The following SPDEF variants were observed in gnomAD, a reference collection of about 807,000 sequenced individuals.
SPDEF encodes SAM pointed domain-containing Ets transcription factor.
In SPDEF, 12 loss-of-function variants were observed where a neutral mutation model predicts 36.0. That is an observed-to-expected ratio of 0.33 (90% CI 0.21 to 0.54). The LOEUF (loss-of-function observed/expected upper bound fraction) is 0.54, where lower values mean the gene tolerates loss of function less well. Ranked by LOEUF, SPDEF falls within the 20% of genes least tolerant of loss-of-function variation. The probability of loss-of-function intolerance (pLI) is 0.93; values close to 1 mark genes in which losing one functional copy is unlikely to be tolerated. For synonymous variants in SPDEF, 205 were observed against 193.0 expected, an observed-to-expected ratio of 1.06 and a Z score of -0.51; for missense variants, 388 against 456.9, an observed-to-expected ratio of 0.85 and a Z score of 1.37.
In SPDEF at chr6:34,544,302, C is replaced by G; in HGVS notation, c.154G>C (p.Glu52Gln). ...AGGTAGAAGGCGGACAGGCCCTGCT[C>G]GGGCGTGGCGGGTGGACTGGGACTC... is the stretch of plus-strand genomic sequence containing the variant. ...DWSPSPPATP[E>Q]QGLSAFYLSY... Residue 52 changes from glutamate (E) to glutamine (Q), a missense_variant, in exon 2 of 6, where the codon GAG becomes CAG. Coordinates refer to ENST00000374037, the MANE Select transcript of SPDEF (RefSeq NM_012391.3). The surrounding 1 kb of genome is among the most constrained non-coding windows in gnomAD (Gnocchi z 4.4). 1.9e-6 allele frequency: 3 copies of G among 1,610,996 alleles called. No individual in the cohort carries two copies. The highest frequency in any genetic ancestry group is 2.5e-6 in the Non-Finnish European group (3 of 1,179,796).
rs1767912085 is a variant in SPDEF at position 34,544,574 on chromosome 6, A to G, written c.-29-90T>C. The G allele has an allele frequency of 2.7e-6, 3 of 1,105,558 alleles. No individual in the cohort carries two copies. Among genetic ancestry groups the G allele is most frequent in the Non-Finnish European group, 3.7e-6 (3 of 808,854 alleles). The allele number at this position is 1,105,558 out of a possible 1,614,324, so 68.5% of individuals were successfully genotyped here. A position where few individuals can be genotyped will look rare whatever the true frequency, so the allele number is the denominator to read the frequency against. On this transcript the variant is annotated intron_variant, in intron 1 of 5. Coordinates refer to ENST00000374037, the MANE Select transcript of SPDEF (RefSeq NM_012391.3). The surrounding 1 kb of genome is among the most constrained non-coding windows in gnomAD (Gnocchi z 4.4). ...GTTATGGGGATGAGGGGCCCTGTGG[A>G]CAGTGGGCTGGGCCTGGGACAGAGT...
In SPDEF at chr6:34,539,058, A is replaced by T. The variant is rs1767755172; in HGVS notation, c.829+192T>A. Among the ~76,000 whole-genome samples, 1 of 152,128 alleles carries T rather than the reference A, an allele frequency of 6.6e-6. No homozygotes were observed. The highest frequency in any genetic ancestry group is 2.4e-5 in the African/African-American group (1 of 41,398). On this transcript the variant is annotated intron_variant, in intron 5 of 5. Coordinates refer to ENST00000374037, the MANE Select transcript of SPDEF (RefSeq NM_012391.3). The surrounding 1 kb of genome is among the most constrained non-coding windows in gnomAD (Gnocchi z 5.2). ...TAAGTGAGACAGAGTCTAGCAGGAG[A>T]CAGATGTGGACACAGATTGCACACA...
chr6:34,554,851 G>A (rs1386338251), intron 1 of SPDEF, among the ~76,000 whole-genome samples: 1 of 152,218 alleles, frequency 6.6e-6, no homozygotes, highest in Non-Finnish European at 1.5e-5. Context: ...AGCAGCTGGT[G>A]ATGGGGAGAT....
At chr6:34,551,905 C>T (rs907020833) in intron 1 of SPDEF, among the ~76,000 whole-genome samples, 4 of 152,056 alleles carry the variant, frequency 2.6e-5, no homozygotes, top group Non-Finnish European at 5.9e-5. Context: ...AACCCAGTTT[C>T]CCACCATAGC....
chr6:34,554,902 T>G (rs1356687307), intron 1 of SPDEF, among the ~76,000 whole-genome samples: 1 of 152,070 alleles, frequency 6.6e-6, no homozygotes. Context: ...ATGAGGCAAG[T>G]CCCAGCCCTG....
At chr6:34,550,802 G>A (rs1768043079) in intron 1 of SPDEF, among the ~76,000 whole-genome samples, 1 of 152,158 alleles carries the variant, frequency 6.6e-6, no homozygotes, top group African/African-American at 2.4e-5. Context: ...CAGGAAGACG[G>A]GGCACTGGAA....
chr6:34,547,714 A>C (rs1767983324), intron 1 of SPDEF, among the ~76,000 whole-genome samples: 1 of 152,152 alleles, frequency 6.6e-6, no homozygotes, highest in Non-Finnish European at 1.5e-5. Flanking sequence ...GTCAAGGTGC[A>C]GAGAGGTAAA....
Position 34,539,713 on chromosome 6 carries a change from C to G in SPDEF, c.635-151G>C. On this transcript the variant is annotated intron_variant, in intron 3 of 5. Coordinates refer to ENST00000374037, the MANE Select transcript of SPDEF (RefSeq NM_012391.3). The surrounding 1 kb of genome is among the most constrained non-coding windows in gnomAD (Gnocchi z 5.2). The stretch of plus-strand genomic sequence containing the variant: ...CCTGCCTCCTGCCAACCTGGGGAGG[C>G]AAGCTGGTTACAAGAAGCTGCTTCC... 1.1e-6 allele frequency: 1 copy of G among 873,158 alleles called. No individual in the cohort carries two copies. Among genetic ancestry groups the G allele is most frequent in the South Asian group, 1.5e-5 (1 of 68,346 alleles). The allele number at this position is 873,158 out of a possible 1,614,324, so 54.1% of individuals were successfully genotyped here. A position where few individuals can be genotyped will look rare whatever the true frequency, so the allele number is the denominator to read the frequency against.
rs976621377 is a variant in SPDEF at position 34,552,974 on chromosome 6, C to G, written c.-30+2955G>C. Among the ~76,000 whole-genome samples, 12 of 152,152 alleles carry G rather than the reference C, an allele frequency of 7.9e-5. No homozygotes were observed. Among genetic ancestry groups the G allele is most frequent in the African/African-American group, 2.7e-4 (11 of 41,426 alleles). ...GAGCAGAGAGGCCTGGGCCTTGCCC[C>G]GCAACCAGTCTCAGGCGCTGGAGCC... On this transcript the variant is annotated intron_variant, in intron 1 of 5. Transcript: ENST00000374037. The surrounding 1 kb of genome is among the most constrained non-coding windows in gnomAD (Gnocchi z 4.6).
rs1215072298 is a variant in SPDEF at position 34,544,399 on chromosome 6, G to C, written c.57C>G (p.Pro19=). The C allele has an allele frequency of 6.3e-7, 1 of 1,590,248 alleles. No individual in the cohort carries two copies. Among genetic ancestry groups the C allele is most frequent in the East Asian group, 2.3e-5 (1 of 44,406 alleles). ...AGCCTGTCCGCGACACCGTGTCGGG[G>C]GGCAGCAGGAGGTGGCTGGGGGATA... ...SSVSPSHLLL[P]PDTVSRTGLE... is the part of the protein sequence containing the mutation. The change falls in exon 2 of 6, where the codon CCC becomes CCG. Residue 19 remains proline (P), a synonymous_variant. Transcript: ENST00000374037. The surrounding 1 kb of genome is among the most constrained non-coding windows in gnomAD (Gnocchi z 4.4).
chr6:34,547,255 T>C (rs948325481), intron 1 of SPDEF, among the ~76,000 whole-genome samples: 37 of 152,060 alleles, frequency 2.4e-4, no homozygotes, highest in African/African-American at 8.7e-4. Flanking sequence ...TGGGGATGAA[T>C]GGGCAGGGCA....
Position 34,539,378 on chromosome 6 carries a change from C to T in SPDEF, c.701G>A (p.Ser234Asn). 1 of 1,613,754 alleles carries T rather than the reference C, an allele frequency of 6.2e-7. No homozygotes were observed. The highest frequency in any genetic ancestry group is 8.5e-7 in the Non-Finnish European group (1 of 1,180,030). The change falls in exon 5 of 6, where the codon AGC (serine) becomes AAC (asparagine). Residue 234 changes from serine (S) to asparagine (N), a missense_variant. This residue lies in a region of SPDEF where 308 missense variants were observed against 326.1 expected (regional missense o/e 0.94). Transcript: ENST00000374037. This position sits in a 1 kb window ranked among gnomAD's most constrained non-coding sequence, Gnocchi z 5.2. Reference protein sequence around the residue: ...IHYCASTSEESWTDSEVDSSC... With the variant: ...IHYCASTSEENWTDSEVDSSC... ...TGAGTCCACCTCGCTGTCGGTCCAGCTCTCCTCACTGGTCGAGGCTGGGTG... is the reference window on the plus strand; with the variant it reads ...TGAGTCCACCTCGCTGTCGGTCCAGTTCTCCTCACTGGTCGAGGCTGGGTG...
intron 3 of SPDEF, 69 bp downstream of exon 3, chr6:34,540,915 C>G: frequency 1.3e-6 from 2 of 1,490,498 alleles, no homozygotes; most frequent in Non-Finnish European, 1.8e-6. Context: ...AGAGGGCAAC[C>G]TCCTAGCCAG....
intron 1 of SPDEF, among the ~76,000 whole-genome samples, chr6:34,545,018 C>T (rs1427716756): frequency 6.6e-6 from 1 of 152,176 alleles, no homozygotes; most frequent in Non-Finnish European, 1.5e-5. Flanking sequence ...AGGAACAAGG[C>T]GGGGTAGAAA....
In SPDEF at chr6:34,538,488, G is replaced by T; in HGVS notation, c.830-36C>A. 1 of 1,572,342 alleles carries T rather than the reference G, an allele frequency of 6.4e-7. No individual in the cohort carries two copies. Among genetic ancestry groups the T allele is most frequent in the Non-Finnish European group, 8.6e-7 (1 of 1,156,106 alleles). On this transcript the variant is annotated intron_variant, in intron 5 of 5. Transcript: ENST00000374037. This position sits in a 1 kb window ranked among gnomAD's most constrained non-coding sequence, Gnocchi z 5.9. ...AGGGCCCCGAGAGAGCCAGTGGTATGAGTGAGGTGGCAAGAAGGAGAAAGA... is the reference window on the plus strand; with the variant it reads ...AGGGCCCCGAGAGAGCCAGTGGTATTAGTGAGGTGGCAAGAAGGAGAAAGA...
intron 1 of SPDEF, among the ~76,000 whole-genome samples, chr6:34,550,298 CAAGAG>C (rs776208360): frequency 5.3e-5 from 8 of 152,196 alleles, no homozygotes; most frequent in Non-Finnish European, 8.8e-5. Flanking sequence ...TAGCTGGACC[CAAGAG>C]AAGTGCCAGA....
At position 34,538,015 on chromosome 6, in the gene SPDEF, T is replaced by TG. The variant is rs1767730190; in HGVS notation, c.*258dup. ...AAATGCTGGGGTCAGAGGCAGGTGT[T>TG]GGGGAGCAGCCCTGTCTCCCTCTGT... is the stretch of plus-strand genomic sequence containing the variant. On this transcript the variant is annotated 3_prime_UTR_variant, in exon 6 of 6. Transcript: ENST00000374037. The surrounding 1 kb of genome is among the most constrained non-coding windows in gnomAD (Gnocchi z 5.9). The TG allele has an allele frequency of 4.5e-6, 2 of 443,220 alleles. No homozygotes were observed. The highest frequency in any genetic ancestry group is 7.0e-5 in the East Asian group (2 of 28,772). The allele number at this position is 443,220 out of a possible 1,614,324, so 27.5% of individuals were successfully genotyped here.
At chr6:34,551,183 G>T (rs1432405134) in intron 1 of SPDEF, among the ~76,000 whole-genome samples, 1 of 152,202 alleles carries the variant, frequency 6.6e-6, no homozygotes, top group South Asian at 2.1e-4. Context: ...TAGCTCCTAA[G>T]GTTGCCCCTG....
rs1218153255 is a variant in SPDEF, at chr6:34,543,211, A to G, written c.436+809T>C. Among the ~76,000 whole-genome samples, 549 of 150,860 alleles carry G rather than the reference A, an allele frequency of 3.6e-3. 5 individuals are homozygous for G. Among genetic ancestry groups the G allele is most frequent in the Middle Eastern group, 0.017 (5 of 292 alleles). On this transcript the variant is annotated intron_variant, in intron 2 of 5. Transcript: ENST00000374037. ...ACTCCATCTCAAAAAAAAAAAAAAA[A>G]AAAAAAAAAGAAGAAAAAGAAAAAA...
Sources: gnomAD v4.1 joint callset for allele counts (sites outside exome capture counted in the v4.1 genomes callset) on GRCh38, gnomAD v4.1.1 for gene constraint, gnomAD v4.1.1 regional missense constraint, Gnocchi (gnomAD v3.1) non-coding constraint, MANE v1.5 for transcripts, NCBI Gene and HGNC (gene_info 2026-07-23, HGNC 2026-07-21) for gene names.